DENND2C: variants seen among roughly 807,000 people sequenced by gnomAD.
DENND2C encodes DENN domain-containing protein 2C.
DENND2C carries 72 observed loss-of-function variants against 112.4 expected under a neutral mutation model. The ratio of observed to expected loss-of-function variants is 0.64; its 90% CI spans 0.53 to 0.78. DENND2C has a LOEUF of 0.78. Among genes scored for constraint, DENND2C ranks in the 30% least tolerant of loss-of-function variants. The pLI is 0.00. For synonymous variants in DENND2C, 329 were observed against 381.6 expected, an observed-to-expected ratio of 0.86 and a Z score of 1.61; for missense variants, 992 against 1,113.8, an observed-to-expected ratio of 0.89 and a Z score of 1.56.
At chr1:114,664,802 AG>A (rs1657601386) in intron 1 of DENND2C, among the ~76,000 whole-genome samples, 1 of 147,130 alleles carries the variant, frequency 6.8e-6, no homozygotes, top group African/African-American at 2.5e-5. Context: ...TTTAATTAGC[AG>A]GGGGTCAGGC....
At chr1:114,602,244 C>A (rs752431777) in intron 11 of DENND2C, 50 bp from the exon 12 acceptor site, 3 of 1,581,652 alleles carry the variant, frequency 1.9e-6, no homozygotes, top group Non-Finnish European at 2.6e-6. Context: ...TTACTTATGG[C>A]ATTCTCCATG....
chr1:114,647,910 C>G (rs1657041968), intron 2 of DENND2C, among the ~76,000 whole-genome samples: 1 of 151,902 alleles, frequency 6.6e-6, no homozygotes, highest in Non-Finnish European at 1.5e-5. Context: ...CAGGTTCCAG[C>G]AATTCTCCTG....
rs1198046925 is a variant in DENND2C at position 114,650,245 on chromosome 1, C to A, written c.-317+4260G>T. 2.6e-5 allele frequency among the ~76,000 whole-genome samples: 4 copies of A among 151,954 alleles called. No homozygotes were observed. The East Asian group carries it at 7.8e-4, about 29-fold the overall frequency. On this transcript the variant is annotated intron_variant, in intron 2 of 20. Transcript: ENST00000393274. ...GGCTGAGGCAGGAGAATCGCTTGAA[C>A]CCAGGAGGCGGAGGTTGCAGTGGGC... is the stretch of plus-strand genomic sequence containing the variant.
intron 3 of DENND2C, among the ~76,000 whole-genome samples, chr1:114,627,961 G>GA (rs1015669182): frequency 1.2e-4 from 18 of 149,026 alleles, no homozygotes; most frequent in African/African-American, 3.9e-4. Flanking sequence ...CTCAAATTGA[G>GA]AAAAAAAAAT....
At chr1:114,622,895 T>C (rs1656204809) in intron 6 of DENND2C, 92 bp downstream of exon 6, 1 of 887,418 alleles carries the variant, frequency 1.1e-6, no homozygotes, top group Non-Finnish European at 1.6e-6. Flanking sequence ...TCAGTGCCTC[T>C]TAGTTCTGGA....
intron 11 of DENND2C, among the ~76,000 whole-genome samples, chr1:114,602,572 T>A (rs1043012162): frequency 1.3e-5 from 2 of 152,150 alleles, no homozygotes; most frequent in Non-Finnish European, 2.9e-5. Context: ...TAAATTTTAT[T>A]TTTATTTTTT....
At position 114,600,474 on chromosome 1, in the gene DENND2C, G is replaced by A. The variant is rs576717113; in HGVS notation, c.1957-122C>T. The A allele has an allele frequency of 2.4e-4, 313 of 1,309,170 alleles. 1 individual carries two copies. The highest frequency in any genetic ancestry group is 2.8e-4 in the Non-Finnish European group (269 of 949,198). 81.1% of individuals were successfully genotyped at this position (1,309,170 alleles called of 1,614,324 possible). Reference sequence around the variant, plus strand: ...AAGAAAGGTCTGCTACACGGGGTCTGTGAAGCTTCCTATACTAATGCCAGG... The same window carrying A: ...AAGAAAGGTCTGCTACACGGGGTCTATGAAGCTTCCTATACTAATGCCAGG... On this transcript the variant is annotated intron_variant, in intron 14 of 20. Coordinates refer to ENST00000393274, the MANE Select transcript of DENND2C (RefSeq NM_001256404.2).
Position 114,602,197 on chromosome 1 carries a change from GA to G in DENND2C, c.1668-4del, listed in dbSNP as rs746035756. On this transcript the variant is annotated splice_region_variant and splice_polypyrimidine_tract_variant and intron_variant, in intron 11 of 20. Transcript: ENST00000393274. ...TCAAGACAAAGGAGAATGTTTCACT[GA>G]AAAAAGAGCCAATAGTTAGTTTAGG... 1 of 1,612,252 alleles carries G rather than the reference GA, an allele frequency of 6.2e-7. No individual in the cohort carries two copies. The highest frequency in any genetic ancestry group is 8.5e-7 in the Non-Finnish European group (1 of 1,179,274).
intron 1 of DENND2C, among the ~76,000 whole-genome samples, chr1:114,665,797 C>T (rs1226855784): frequency 1.3e-5 from 2 of 152,168 alleles, no homozygotes; most frequent in African/African-American, 4.8e-5. Flanking sequence ...ATAATTCCTT[C>T]TACTTACATA....
intron 3 of DENND2C, among the ~76,000 whole-genome samples, chr1:114,626,510 C>CTT (rs11412901): frequency 0.033 from 4,082 of 122,788 alleles, 328 homozygotes; most frequent in African/African-American, 0.11. Context: ...TAAATTAATT[C>CTT]TTTTTTTTTT....
chr1:114,593,555 C>T (rs1045226484), intron 18 of DENND2C, among the ~76,000 whole-genome samples: 17 of 152,034 alleles, frequency 1.1e-4, no homozygotes, highest in Middle Eastern at 3.2e-3. Flanking sequence ...GAGGCTAAGG[C>T]GGAAGGATTG....
intron 20 of DENND2C, chr1:114,586,692 TTTTATTTTTATTTATTTTTTA>T (rs1473318351): frequency 6.0e-5 from 9 of 151,006 alleles, no homozygotes; most frequent in Admixed American, 2.6e-4. Flanking sequence ...CACATTTATT[TTTTATTTTTATTTATTTTTTA>T]TTTATTTTTA....
At chr1:114,636,032 T>C (rs1656647812) in intron 3 of DENND2C, among the ~76,000 whole-genome samples, 1 of 149,512 alleles carries the variant, frequency 6.7e-6, no homozygotes, top group African/African-American at 2.4e-5. Flanking sequence ...ATAAAACATA[T>C]AAAAATATAT....
In DENND2C at chr1:114,600,930, TTTCTC is replaced by T. The variant is rs766990633; in HGVS notation, c.1841_1845del (p.Arg614AsnfsTer28). On this transcript the variant is annotated frameshift_variant, in exon 14 of 21. Coordinates refer to ENST00000393274, the MANE Select transcript of DENND2C (RefSeq NM_001256404.2). LOFTEE classifies it high-confidence loss of function. Reference sequence around the variant, plus strand: ...AATGGGTAAACAAGGGCTGGAGACATTTCTCTTCTCTTCTCTACTTCATCCAGAAT... The same window carrying T: ...AATGGGTAAACAAGGGCTGGAGACATTTCTCTTCTCTACTTCATCCAGAAT... 27 of 1,613,820 alleles carry T rather than the reference TTTCTC, an allele frequency of 1.7e-5. No individual in the cohort carries two copies. The highest frequency in any genetic ancestry group is 2.0e-5 in the Non-Finnish European group (24 of 1,179,776).
intron 20 of DENND2C, among the ~76,000 whole-genome samples, chr1:114,586,012 A>T (rs1050278793): frequency 2.6e-5 from 4 of 152,210 alleles, no homozygotes; most frequent in African/African-American, 9.6e-5. Flanking sequence ...CCATTGTATA[A>T]AGATGAAATA....
chr1:114,613,957 G>T (rs1422712414), intron 8 of DENND2C, among the ~76,000 whole-genome samples: 1 of 152,152 alleles, frequency 6.6e-6, no homozygotes, highest in Non-Finnish European at 1.5e-5. Flanking sequence ...TTAGGGCCAG[G>T]TATGGTGGCT....
At chr1:114,599,918 G>A (rs2101647303) in intron 15 of DENND2C, among the ~76,000 whole-genome samples, 1 of 148,042 alleles carries the variant, frequency 6.8e-6, no homozygotes, top group South Asian at 2.3e-4. Context: ...ATTGAACAAT[G>A]AGAACACTTG....
chr1:114,639,490 G>A (rs1248847880), intron 3 of DENND2C, among the ~76,000 whole-genome samples: 1 of 151,710 alleles, frequency 6.6e-6, no homozygotes, highest in Non-Finnish European at 1.5e-5. Context: ...GCTGAGGCAG[G>A]AGAATTGCTT....
intron 17 of DENND2C, 50 bp downstream of exon 17, chr1:114,595,782 C>G: frequency 6.6e-7 from 1 of 1,507,734 alleles, no homozygotes; most frequent in Non-Finnish European, 9.2e-7. Context: ...CAATTATCTA[C>G]AGTAGACATT....
Sources: allele counts gnomAD v4.1 joint callset (sites outside exome capture counted in the v4.1 genomes callset), GRCh38; gene constraint gnomAD v4.1.1; transcripts MANE v1.5; gene names NCBI Gene and HGNC (gene_info 2026-07-23, HGNC 2026-07-21).